The following SNTG1 variants were observed in gnomAD, a reference collection of about 807,000 sequenced individuals.
SNTG1 encodes gamma-1-syntrophin.
SNTG1 carries 39 observed loss-of-function variants against 74.7 expected under a neutral mutation model. The observed-to-expected ratio is 0.52, with a 90% CI of 0.40 to 0.68. The LOEUF is 0.68. Among genes scored for constraint, SNTG1 ranks in the 30% least tolerant of loss-of-function variants. The pLI is 0.00. For synonymous variants in SNTG1, 254 were observed against 217.1 expected (o/e 1.17, Z -1.49); for missense variants, 685 against 609.5 (o/e 1.12, Z -1.30).
chr8:50,082,178 A>G (rs1003011971), intron 1 of SNTG1, among the ~76,000 whole-genome samples: 2 of 152,106 alleles, frequency 1.3e-5, no homozygotes, highest in South Asian at 2.1e-4. Flanking sequence ...CTTTCCATTA[A>G]TTATTTAGCT....
intron 15 of SNTG1, among the ~76,000 whole-genome samples, chr8:50,680,979 G>A (rs2095328629): frequency 6.6e-6 from 1 of 151,992 alleles, no homozygotes; most frequent in Non-Finnish European, 1.5e-5. Flanking sequence ...AATTTCGTTT[G>A]GTTTATCTTC....
At chr8:50,089,114 T>C (rs1823215311) in intron 1 of SNTG1, among the ~76,000 whole-genome samples, 1 of 151,032 alleles carries the variant, frequency 6.6e-6, no homozygotes, top group African/African-American at 2.4e-5. Flanking sequence ...TATCTACAAC[T>C]ATCTGATCTT....
intron 1 of SNTG1, among the ~76,000 whole-genome samples, chr8:50,167,810 C>T (rs1235686164): frequency 2.3e-5 from 3 of 133,112 alleles, no homozygotes; most frequent in Non-Finnish European, 4.7e-5. Context: ...AAGATTCTAT[C>T]TCAAAAAAAA....
intron 2 of SNTG1, among the ~76,000 whole-genome samples, chr8:50,277,003 G>T (rs1328719605): frequency 1.3e-5 from 2 of 151,804 alleles, no homozygotes; most frequent in Admixed American, 1.3e-4. Context: ...CTAATTTTTT[G>T]ATTTGTAGTA....
intron 17 of SNTG1, among the ~76,000 whole-genome samples, chr8:50,730,292 G>A (rs2095509912): frequency 6.6e-6 from 1 of 152,144 alleles, no homozygotes; most frequent in South Asian, 2.1e-4. Context: ...AGGCCGAGGG[G>A]ATGAAGGCAT....
At chr8:50,170,459 CCTT>C (rs1437442778) in intron 1 of SNTG1, among the ~76,000 whole-genome samples, 2 of 151,822 alleles carry the variant, frequency 1.3e-5, no homozygotes, top group African/African-American at 4.8e-5. Flanking sequence ...ATTCTGAACT[CCTT>C]ATCATGTAAA....
At chr8:50,314,754 C>T (rs925123649) in intron 2 of SNTG1, among the ~76,000 whole-genome samples, 1 of 149,976 alleles carries the variant, frequency 6.7e-6, no homozygotes, top group African/African-American at 2.5e-5. Context: ...AATTATAGGA[C>T]AATTTCAAAT....
At chr8:50,428,610 C>G (rs2093193898) in intron 4 of SNTG1, among the ~76,000 whole-genome samples, 1 of 152,130 alleles carries the variant, frequency 6.6e-6, no homozygotes. Flanking sequence ...TTTCAGTGGG[C>G]TTTAGGGAAT....
intron 17 of SNTG1, among the ~76,000 whole-genome samples, chr8:50,749,849 C>T (rs1454935578): frequency 2.6e-5 from 4 of 152,004 alleles, no homozygotes; most frequent in Non-Finnish European, 5.9e-5. Flanking sequence ...TCCAAGAACT[C>T]TGAGGGAGAT....
chr8:50,491,990 A>G (rs1343190156), intron 8 of SNTG1, among the ~76,000 whole-genome samples: 1 of 147,782 alleles, frequency 6.8e-6, no homozygotes, highest in Non-Finnish European at 1.5e-5. Context: ...GCAGTGTTTC[A>G]TTTTCTCTTC....
intron 2 of SNTG1, among the ~76,000 whole-genome samples, chr8:50,367,873 A>G (rs1395859160): frequency 1.3e-5 from 2 of 152,120 alleles, no homozygotes; most frequent in East Asian, 3.9e-4. Context: ...CAGGAAGTGG[A>G]CTGCTGCTAT....
rs924942046 is a variant in SNTG1, at chr8:50,793,159, A to C, written c.*330A>C. 1.1e-5 allele frequency: 2 copies of C among 180,610 alleles called. No homozygotes were observed. The highest frequency in any genetic ancestry group is 4.7e-5 in the African/African-American group (2 of 42,612). The allele number at this position is 180,610 out of a possible 1,614,324, so 11.2% of individuals were successfully genotyped here. A position where few individuals can be genotyped will look rare whatever the true frequency, so the allele number is the denominator to read the frequency against. On this transcript the variant is annotated 3_prime_UTR_variant, in exon 19 of 19. Transcript: ENST00000642720. The stretch of plus-strand genomic sequence containing the variant: ...AAAAATAGTAAGCTACCTATGAATA[A>C]AAATACTTATTAAATGATTACTTCT...
rs112235757 is a variant in SNTG1, at chr8:49,944,791, G to GA, written c.-103+32576dup. On this transcript the variant is annotated intron_variant, in intron 1 of 18. Coordinates refer to ENST00000642720, the MANE Select transcript of SNTG1 (RefSeq NM_018967.5). ...TAATAAATGAATTCATCACCTGCAAGAAAAAAAAAAAAAAAAGATGGAGTT... is the reference window on the plus strand; with the variant it reads ...TAATAAATGAATTCATCACCTGCAAGAAAAAAAAAAAAAAAAAGATGGAGTT... 4.6e-3 allele frequency among the ~76,000 whole-genome samples: 598 copies of GA among 129,092 alleles called. 5 individuals are homozygous for GA. The highest frequency in any genetic ancestry group is 0.017 in the East Asian group (78 of 4,458). 84.7% of individuals were successfully genotyped at this position (129,092 alleles called of 152,430 possible). A position where few individuals can be genotyped will look rare whatever the true frequency, so the allele number is the denominator to read the frequency against.
chr8:50,316,999 G>A (rs547951215), intron 2 of SNTG1, among the ~76,000 whole-genome samples: 2 of 152,248 alleles, frequency 1.3e-5, no homozygotes, highest in South Asian at 2.1e-4. Context: ...TGATTATAAA[G>A]GTCTAAGCTG....
intron 15 of SNTG1, among the ~76,000 whole-genome samples, chr8:50,689,038 T>G (rs991600865): frequency 1.1e-4 from 16 of 149,624 alleles, no homozygotes; most frequent in Admixed American, 2.7e-4. Flanking sequence ...GGGAATTCAC[T>G]TATGATTTGG....
At chr8:50,458,953 A>T (rs2093534106) in intron 8 of SNTG1, among the ~76,000 whole-genome samples, 1 of 152,110 alleles carries the variant, frequency 6.6e-6, no homozygotes, top group Non-Finnish European at 1.5e-5. Flanking sequence ...TAATTTTGTC[A>T]GTTGTGCTTT....
At chr8:50,704,497 G>T (rs2095436721) in intron 15 of SNTG1, 103 bp from the exon 16 acceptor site, 4 of 1,446,210 alleles carry the variant, frequency 2.8e-6, no homozygotes, top group East Asian at 2.3e-5. Flanking sequence ...GCAGAGTGTT[G>T]TCTTTTTACC....
intron 1 of SNTG1, among the ~76,000 whole-genome samples, chr8:50,135,498 T>A (rs1330727918): frequency 6.6e-6 from 1 of 152,190 alleles, no homozygotes; most frequent in Non-Finnish European, 1.5e-5. Flanking sequence ...CATTAATATG[T>A]AGTGGATATT....
intron 9 of SNTG1, among the ~76,000 whole-genome samples, chr8:50,514,329 C>T (rs997603894): frequency 6.6e-6 from 1 of 152,030 alleles, no homozygotes; most frequent in Non-Finnish European, 1.5e-5. Context: ...AATTATTTTG[C>T]AACATAATGC....
Sources: allele counts gnomAD v4.1 joint callset (sites outside exome capture counted in the v4.1 genomes callset), GRCh38; gene constraint gnomAD v4.1.1; transcripts MANE v1.5; gene names NCBI Gene and HGNC (gene_info 2026-07-23, HGNC 2026-07-21).